ELP4: variants seen among roughly 807,000 people sequenced by gnomAD.
ELP4 encodes elongator complex protein 4.
In ELP4, 51 loss-of-function variants were observed where a neutral mutation model predicts 48.9. The observed-to-expected ratio is 1.04, with a 90% confidence interval of 0.83 to 1.32. ELP4 has a LOEUF of 1.32. Among genes scored for constraint, ELP4 ranks in the 40% most tolerant of loss-of-function variants. The pLI is 0.00. For synonymous variants in ELP4, 210 were observed against 189.2 expected (o/e 1.11, Z -0.90); for missense variants, 519 against 514.6 (o/e 1.01, Z -0.08).
chr11:31,538,491 C>T (rs1437425066), intron 2 of ELP4, among the ~76,000 whole-genome samples: 1 of 149,578 alleles, frequency 6.7e-6, no homozygotes, highest in Non-Finnish European at 1.5e-5. Context: ...ACAGCTAAGA[C>T]CTTCCATACG....
chr11:31,742,518 CAAA>C (rs1348581591), intron 9 of ELP4, among the ~76,000 whole-genome samples: 14 of 152,154 alleles, frequency 9.2e-5, no homozygotes, highest in African/African-American at 3.4e-4. Context: ...GGGTTACCCA[CAAA>C]GGGAAGCCCA....
chr11:31,560,718 ATATATATATAAAACAACATTGTTTTG>A (rs1362854736), intron 3 of ELP4, among the ~76,000 whole-genome samples: 2 of 148,690 alleles, frequency 1.3e-5, no homozygotes, highest in African/African-American at 4.9e-5. Context: ...ACGTTGTTTT[ATATATATATAAAACAACATTGTTTTG>A]TATATATATA....
chr11:31,652,029 A>G (rs973980348), intron 9 of ELP4: 3 of 151,740 alleles, frequency 2.0e-5, no homozygotes, highest in African/African-American at 4.8e-5. Flanking sequence ...TCTTTTATTA[A>G]CCACACAGAT....
At chr11:31,520,011 T>C (rs1376866815) in intron 1 of ELP4, 45 bp from the exon 2 acceptor site, 2 of 1,600,638 alleles carry the variant, frequency 1.2e-6, no homozygotes, top group Admixed American at 3.4e-5. Context: ...CTAAAGGTAA[T>C]GGAAAAGGTA....
intron 3 of ELP4, among the ~76,000 whole-genome samples, chr11:31,566,993 T>C (rs1012292943): frequency 6.6e-6 from 1 of 152,158 alleles, no homozygotes; most frequent in Non-Finnish European, 1.5e-5. Context: ...GATACTGTTC[T>C]CTCTGTCATT....
At chr11:31,765,823 T>C (rs1319132435) in intron 9 of ELP4, among the ~76,000 whole-genome samples, 1 of 152,108 alleles carries the variant, frequency 6.6e-6, no homozygotes, top group Non-Finnish European at 1.5e-5. Flanking sequence ...CCTGATTTAT[T>C]TAAAAACATT....
chr11:31,513,522 C>A (rs908908571), intron 1 of ELP4, among the ~76,000 whole-genome samples: 1 of 152,004 alleles, frequency 6.6e-6, no homozygotes, highest in Admixed American at 6.6e-5. Context: ...AAAATTATTC[C>A]TTTATATAGA....
intron 9 of ELP4, among the ~76,000 whole-genome samples, chr11:31,660,632 G>A (rs993482654): frequency 6.6e-6 from 1 of 151,818 alleles, no homozygotes; most frequent in African/African-American, 2.4e-5. Context: ...TTACACATAT[G>A]TATACACATA....
At chr11:31,601,297 A>T (rs1373409358) in intron 4 of ELP4, among the ~76,000 whole-genome samples, 1 of 152,038 alleles carries the variant, frequency 6.6e-6, no homozygotes, top group East Asian at 1.9e-4. Flanking sequence ...AATTTGGAAA[A>T]TTGTTTTTTC....
chr11:31,710,227 T>C (rs754462125), intron 9 of ELP4, among the ~76,000 whole-genome samples: 1 of 152,212 alleles, frequency 6.6e-6, no homozygotes, highest in Non-Finnish European at 1.5e-5. Flanking sequence ...CTGGAGAAGA[T>C]ACACTTTAAA....
chr11:31,686,518 C>G (rs949855906), intron 9 of ELP4, among the ~76,000 whole-genome samples: 30 of 152,134 alleles, frequency 2.0e-4, no homozygotes, highest in African/African-American at 5.1e-4. Context: ...TTTGGATTCT[C>G]TCCCATGGGT....
intron 9 of ELP4, among the ~76,000 whole-genome samples, chr11:31,677,463 G>A (rs1443085311): frequency 1.3e-5 from 2 of 152,086 alleles, no homozygotes; most frequent in African/African-American, 2.4e-5. Context: ...AACTGCCCAC[G>A]CCCACGTAGC....
intron 2 of ELP4, among the ~76,000 whole-genome samples, chr11:31,536,626 A>G (rs1287631467): frequency 6.6e-6 from 1 of 152,220 alleles, no homozygotes; most frequent in Admixed American, 6.5e-5. Context: ...CATGGGGATT[A>G]CAGACATGAG....
chr11:31,539,727 A>G lies in ELP4; in HGVS notation c.325A>G (p.Asn109Asp), dbSNP rs370416913. 6 of 1,612,248 alleles carry G rather than the reference A, an allele frequency of 3.7e-6. No individual in the cohort carries two copies. The African/African-American group carries it at 8.0e-5, about 22-fold the overall frequency. ...GTATTTCCTGGCAGAAGGAATTGTC[A>G]ATGGGCATACTTTGTTGGTTGCATC... ...FKYFLAEGIV[N>D]GHTLLVASAK... Residue 109 changes from asparagine (N) to aspartate (D), a missense_variant, in exon 3 of 10, where the codon AAT (asparagine) becomes GAT (aspartate). Coordinates refer to ENST00000640961, the MANE Select transcript of ELP4 (RefSeq NM_019040.5).
chr11:31,657,680 C>A (rs1023400551), intron 9 of ELP4, among the ~76,000 whole-genome samples: 5 of 151,834 alleles, frequency 3.3e-5, no homozygotes, highest in Non-Finnish European at 2.9e-5. Flanking sequence ...GGAACCCTTG[C>A]ATACATACTA....
intron 9 of ELP4, among the ~76,000 whole-genome samples, chr11:31,731,557 C>A (rs1191100308): frequency 9.1e-6 from 1 of 109,378 alleles, no homozygotes; most frequent in East Asian, 2.8e-4. Flanking sequence ...TTATGGTACA[C>A]CATTAAGCAG....
chr11:31,579,850 G>T (rs1235346896), intron 3 of ELP4, among the ~76,000 whole-genome samples: 1 of 151,852 alleles, frequency 6.6e-6, no homozygotes, highest in Non-Finnish European at 1.5e-5. Flanking sequence ...CGAGTTAGCG[G>T]GTCCAGCACA....
At chr11:31,658,923 G>C (rs1471678453) in intron 9 of ELP4, among the ~76,000 whole-genome samples, 1 of 151,888 alleles carries the variant, frequency 6.6e-6, no homozygotes, top group Admixed American at 6.6e-5. Context: ...AGCTTGATTT[G>C]CTGGAAGTTC....
At chr11:31,627,458 G>A (rs1448262003) in intron 6 of ELP4, among the ~76,000 whole-genome samples, 1 of 151,942 alleles carries the variant, frequency 6.6e-6, no homozygotes, top group Non-Finnish European at 1.5e-5. Flanking sequence ...TGCATTTGTA[G>A]CATTTGGGAT....
Sources: allele counts gnomAD v4.1 joint callset (sites outside exome capture counted in the v4.1 genomes callset), GRCh38; gene constraint gnomAD v4.1.1; transcripts MANE v1.5; gene names NCBI Gene and HGNC (gene_info 2026-07-23, HGNC 2026-07-21).